FAM135B: variants seen among roughly 807,000 people sequenced by gnomAD.
The protein encoded by FAM135B is protein FAM135B.
Under a neutral mutation model 127.7 loss-of-function variants are expected in FAM135B, and 43 were observed. The observed-to-expected ratio is 0.34, with a 90% CI of 0.26 to 0.43. FAM135B has a LOEUF of 0.43. Among genes scored for constraint, FAM135B ranks in the 20% least tolerant of loss-of-function variants. The pLI is 1.00. For synonymous variants in FAM135B, 670 were observed against 665.1 expected, an observed-to-expected ratio of 1.01 and a Z score of -0.11; for missense variants, 1,558 against 1,725.6, an observed-to-expected ratio of 0.90 and a Z score of 1.72.
At chr8:138,466,623 A>G (rs1008334442) in intron 1 of FAM135B, among the ~76,000 whole-genome samples, 3 of 152,174 alleles carry the variant, frequency 2.0e-5, no homozygotes, top group Admixed American at 1.3e-4. Context: ...GAATTTAAAT[A>G]AGAATGACGT....
At chr8:138,467,413 A>C (rs2131636682) in intron 1 of FAM135B, among the ~76,000 whole-genome samples, 1 of 152,344 alleles carries the variant, frequency 6.6e-6, no homozygotes, top group Admixed American at 6.5e-5. Context: ...GAAATGTTAA[A>C]AATTCATTTC....
intron 2 of FAM135B, among the ~76,000 whole-genome samples, chr8:138,341,271 C>A (rs1434017992): frequency 6.6e-6 from 1 of 152,176 alleles, no homozygotes; most frequent in Non-Finnish European, 1.5e-5. Context: ...ATAAATTAAC[C>A]TTGAGGACAT....
At chr8:138,466,376 CA>C (rs1235196033) in intron 1 of FAM135B, among the ~76,000 whole-genome samples, 1 of 152,074 alleles carries the variant, frequency 6.6e-6, no homozygotes, top group Non-Finnish European at 1.5e-5. Flanking sequence ...GAGAGCAAAG[CA>C]AACCTGAAGA....
intron 2 of FAM135B, among the ~76,000 whole-genome samples, chr8:138,324,577 T>C (rs1433555890): frequency 6.6e-6 from 1 of 152,222 alleles, no homozygotes; most frequent in African/African-American, 2.4e-5. Context: ...TCAGCACCTA[T>C]TACTTTGATA....
At position 138,392,871 on chromosome 8, in the gene FAM135B, G is replaced by C. The variant is rs185638041; in HGVS notation, c.-19-24869C>G. 1.8e-3 allele frequency among the ~76,000 whole-genome samples: 270 copies of C among 152,272 alleles called. 1 individual carries two copies. Among genetic ancestry groups the C allele is most frequent in the Non-Finnish European group, 1.2e-3 (82 of 68,024 alleles). On this transcript the variant is annotated intron_variant, in intron 1 of 19. Coordinates refer to ENST00000395297, the MANE Select transcript of FAM135B (RefSeq NM_015912.4). ...GGGAAGAATTAGAAACTACCTCCCAGACTGTGTTCTGAGAATACTCCTTAA... is the reference window on the plus strand; with the variant it reads ...GGGAAGAATTAGAAACTACCTCCCACACTGTGTTCTGAGAATACTCCTTAA...
intron 15 of FAM135B, among the ~76,000 whole-genome samples, chr8:138,145,697 C>T (rs1214614003): frequency 1.3e-5 from 2 of 152,180 alleles, no homozygotes; most frequent in African/African-American, 2.4e-5. Context: ...ATAATTGATG[C>T]TCTCACTTGC....
At chr8:138,230,196 C>T (rs1005634547) in intron 7 of FAM135B, among the ~76,000 whole-genome samples, 1 of 152,148 alleles carries the variant, frequency 6.6e-6, no homozygotes, top group African/African-American at 2.4e-5. Flanking sequence ...CCACCACGGT[C>T]ATTCTGATCA....
At chr8:138,491,233 T>A (rs1031649428) in intron 1 of FAM135B, among the ~76,000 whole-genome samples, 2 of 151,086 alleles carry the variant, frequency 1.3e-5, no homozygotes, top group African/African-American at 2.4e-5. Flanking sequence ...AGCTATATCA[T>A]CAATTAAAAC....
chr8:138,494,618 T>A (rs1307444998), intron 1 of FAM135B, among the ~76,000 whole-genome samples: 1 of 152,216 alleles, frequency 6.6e-6, no homozygotes, highest in Non-Finnish European at 1.5e-5. Flanking sequence ...GAGAATAGTA[T>A]AAGACAGTCT....
At chr8:138,156,591 A>G (rs150684983) in intron 12 of FAM135B, among the ~76,000 whole-genome samples, 49,904 of 151,668 alleles carry the variant, frequency 0.33, 9,165 homozygotes, top group East Asian at 0.55. Flanking sequence ...TCAAATAGAC[A>G]CAATAAAAAA....
chr8:138,186,521 A>G (rs945570179), intron 9 of FAM135B, among the ~76,000 whole-genome samples: 8 of 152,118 alleles, frequency 5.3e-5, no homozygotes, highest in African/African-American at 7.2e-5. Context: ...CTTGCTCTTC[A>G]GGGATTTTTG....
intron 1 of FAM135B, among the ~76,000 whole-genome samples, chr8:138,492,546 G>A (rs1815244072): frequency 6.6e-6 from 1 of 152,054 alleles, no homozygotes; most frequent in South Asian, 2.1e-4. Flanking sequence ...ATGGCCTTCT[G>A]TTAGAGGAAA....
At chr8:138,487,144 C>T (rs1030646467) in intron 1 of FAM135B, among the ~76,000 whole-genome samples, 4 of 152,076 alleles carry the variant, frequency 2.6e-5, no homozygotes, top group Admixed American at 1.3e-4. Context: ...CTAAAGGTTG[C>T]GATTTTCATT....
At chr8:138,180,461 G>A (rs1814906702) in intron 9 of FAM135B, among the ~76,000 whole-genome samples, 1 of 152,170 alleles carries the variant, frequency 6.6e-6, no homozygotes, top group Admixed American at 6.5e-5. Context: ...CTGTGCCTCA[G>A]TTTTCCCATC....
chr8:138,235,498 G>T (rs1297550054), intron 7 of FAM135B, among the ~76,000 whole-genome samples: 1 of 152,214 alleles, frequency 6.6e-6, no homozygotes, highest in African/African-American at 2.4e-5. Context: ...CTCATGAAAA[G>T]AATATGAGGG....
At chr8:138,446,427 A>T (rs1836164580) in intron 1 of FAM135B, among the ~76,000 whole-genome samples, 1 of 152,144 alleles carries the variant, frequency 6.6e-6, no homozygotes, top group Non-Finnish European at 1.5e-5. Flanking sequence ...ACAGTAACCA[A>T]AACAGCATGG....
intron 3 of FAM135B, among the ~76,000 whole-genome samples, chr8:138,291,409 AT>A (rs1168694350): frequency 6.6e-6 from 1 of 152,216 alleles, no homozygotes; most frequent in Non-Finnish European, 1.5e-5. Flanking sequence ...TTCCAAAAAA[AT>A]AGGATAGGAG....
At chr8:138,304,960 C>T (rs927102417) in intron 3 of FAM135B, among the ~76,000 whole-genome samples, 1 of 152,186 alleles carries the variant, frequency 6.6e-6, no homozygotes, top group Admixed American at 6.5e-5. Context: ...TGCCGGCCAC[C>T]CTGCCGGCCC....
chr8:138,332,814 T>C (rs184477042), intron 2 of FAM135B, among the ~76,000 whole-genome samples: 83 of 152,234 alleles, frequency 5.5e-4, no homozygotes, highest in African/African-American at 1.9e-3. Flanking sequence ...ACGAAACAGC[T>C]GGCGGCGCTT....
Sources: gnomAD v4.1 joint callset for allele counts (sites outside exome capture counted in the v4.1 genomes callset) on GRCh38, gnomAD v4.1.1 for gene constraint, MANE v1.5 for transcripts, NCBI Gene and HGNC (gene_info 2026-07-23, HGNC 2026-07-21) for gene names.